SAMD12: variants seen among roughly 807,000 people sequenced by gnomAD.
SAMD12 encodes the protein sterile alpha motif domain containing 12.
Under a neutral mutation model 15.0 loss-of-function variants are expected in SAMD12, and 9 were observed. That is an observed-to-expected ratio of 0.60 (90% confidence interval 0.36 to 1.05). The LOEUF (loss-of-function observed/expected upper bound fraction) is 1.05. Ranked by LOEUF, SAMD12 falls within the 50% of genes least tolerant of loss-of-function variation. The pLI, the probability that SAMD12 is intolerant of heterozygous loss-of-function variation, is 0.01. For missense variants in SAMD12, 230 were observed against 234.2 expected (o/e 0.98, Z 0.12); for synonymous variants, 86 against 90.1 (o/e 0.96, Z 0.25).
intron 2 of SAMD12, among the ~76,000 whole-genome samples, chr8:118,557,997 A>G (rs965399631): frequency 2.6e-5 from 4 of 152,182 alleles, no homozygotes; most frequent in Non-Finnish European, 5.9e-5. Context: ...TGCATGAATA[A>G]AACAATCCAC....
chr8:118,541,012 G>A (rs570281496), intron 2 of SAMD12, among the ~76,000 whole-genome samples: 1 of 152,244 alleles, frequency 6.6e-6, no homozygotes, highest in African/African-American at 2.4e-5. Flanking sequence ...AATCTCAACT[G>A]GCAGAATTGC....
intron 4 of SAMD12, among the ~76,000 whole-genome samples, chr8:118,318,327 T>TATAC (rs1816038262): frequency 2.9e-5 from 1 of 35,056 alleles, no homozygotes; most frequent in Non-Finnish European, 9.3e-5. Context: ...TATATATATA[T>TATAC]ATATATATAT....
At chr8:118,239,124 GTGA>G (rs375685496) in intron 4 of SAMD12, among the ~76,000 whole-genome samples, 1 of 152,030 alleles carries the variant, frequency 6.6e-6, no homozygotes, top group Non-Finnish European at 1.5e-5. Flanking sequence ...GATGGTAGTG[GTGA>G]TGATGATGAT....
At chr8:118,530,397 T>C (rs994999968) in intron 2 of SAMD12, among the ~76,000 whole-genome samples, 1 of 152,190 alleles carries the variant, frequency 6.6e-6, no homozygotes, top group Non-Finnish European at 1.5e-5. Context: ...TCGGCCCCAG[T>C]GTCTATTGTT....
At chr8:118,482,836 A>T (rs1824166328) in intron 2 of SAMD12, among the ~76,000 whole-genome samples, 1 of 152,190 alleles carries the variant, frequency 6.6e-6, no homozygotes, top group African/African-American at 2.4e-5. Flanking sequence ...ATGCTTTTGC[A>T]ATAAAATTCC....
intron 3 of SAMD12, among the ~76,000 whole-genome samples, chr8:118,431,723 T>G (rs1353978048): frequency 6.6e-6 from 1 of 151,472 alleles, no homozygotes; most frequent in Non-Finnish European, 1.5e-5. Flanking sequence ...TGTGTGTGTG[T>G]GTGTGTTTGA....
chr8:118,286,180 G>T (rs565737791), intron 4 of SAMD12, among the ~76,000 whole-genome samples: 1 of 140,872 alleles, frequency 7.1e-6, no homozygotes, highest in Non-Finnish European at 1.5e-5. Context: ...GGTGAGGGGA[G>T]GGGGGAGGGA....
At chr8:118,300,559 G>A (rs553864032) in intron 4 of SAMD12, among the ~76,000 whole-genome samples, 16 of 152,270 alleles carry the variant, frequency 1.1e-4, no homozygotes, top group Admixed American at 3.9e-4. Context: ...GAAATAGGAC[G>A]GCAGTAGTTT....
intron 2 of SAMD12, among the ~76,000 whole-genome samples, chr8:118,564,225 A>G (rs1412193113): frequency 2.0e-5 from 3 of 148,128 alleles, no homozygotes; most frequent in Non-Finnish European, 4.5e-5. Flanking sequence ...ACTCCTCAAC[A>G]CACACACATA....
At chr8:118,410,650 C>T (rs377483092) in intron 3 of SAMD12, among the ~76,000 whole-genome samples, 18 of 152,238 alleles carry the variant, frequency 1.2e-4, no homozygotes, top group African/African-American at 4.1e-4. Context: ...CTGGCTAAGT[C>T]AAATCTTCTG....
At chr8:118,560,093 G>A (rs1400182569) in intron 2 of SAMD12, among the ~76,000 whole-genome samples, 1 of 152,220 alleles carries the variant, frequency 6.6e-6, no homozygotes, top group Non-Finnish European at 1.5e-5. Context: ...GCTCAGGGCT[G>A]AGAACGGGCC....
intron 4 of SAMD12, among the ~76,000 whole-genome samples, chr8:118,352,195 T>C (rs1361373588): frequency 2.0e-5 from 3 of 152,144 alleles, no homozygotes; most frequent in African/African-American, 7.2e-5. Flanking sequence ...CAACAACTAA[T>C]AATTGGGTAG....
At chr8:118,584,922 T>TACACACACACACACAC in intron 1 of SAMD12, among the ~76,000 whole-genome samples, 1 of 147,076 alleles carries the variant, frequency 6.8e-6, no homozygotes, top group South Asian at 2.2e-4. Context: ...CTTGTAGGTA[T>TACACACACACACACAC]ACACACACAC....
At chr8:118,278,401 A>C (rs1813521547) in intron 4 of SAMD12, among the ~76,000 whole-genome samples, 1 of 151,960 alleles carries the variant, frequency 6.6e-6, no homozygotes, top group South Asian at 2.1e-4. Flanking sequence ...TAAGAAAAAG[A>C]CTCTCTTTTC....
chr8:118,463,369 T>A (rs945810553), intron 2 of SAMD12, among the ~76,000 whole-genome samples: 1 of 151,894 alleles, frequency 6.6e-6, no homozygotes, highest in Non-Finnish European at 1.5e-5. Flanking sequence ...GAGTCTAGGA[T>A]CAAGACAAGG....
intron 2 of SAMD12, among the ~76,000 whole-genome samples, chr8:118,543,205 G>A (rs373019105): frequency 2.6e-5 from 4 of 152,024 alleles, no homozygotes; most frequent in East Asian, 1.9e-4. Context: ...GCTGACTCCC[G>A]CCTCCCGCCT....
intron 2 of SAMD12, among the ~76,000 whole-genome samples, chr8:118,463,083 A>G (rs1292393708): frequency 7.4e-6 from 1 of 135,388 alleles, no homozygotes; most frequent in Non-Finnish European, 1.6e-5. Flanking sequence ...CCTGGGCGAC[A>G]GAGCGAAACT....
chr8:118,237,853 T>A (rs1222915713), intron 4 of SAMD12, among the ~76,000 whole-genome samples: 1 of 152,174 alleles, frequency 6.6e-6, no homozygotes, highest in African/African-American at 2.4e-5. Context: ...CATCTCCTCC[T>A]TCCTTTTCTC....
At chr8:118,534,731 G>A (rs944145290) in intron 2 of SAMD12, among the ~76,000 whole-genome samples, 18 of 152,060 alleles carry the variant, frequency 1.2e-4, no homozygotes, top group African/African-American at 2.9e-4. Context: ...CCAGTTGATC[G>A]AATCGGCTAC....
Sources: gnomAD v4.1 joint callset for allele counts (sites outside exome capture counted in the v4.1 genomes callset) on GRCh38, gnomAD v4.1.1 for gene constraint, MANE v1.5 for transcripts, NCBI Gene and HGNC (gene_info 2026-07-23, HGNC 2026-07-21) for gene names.